HIRA: variants seen among roughly 807,000 people sequenced by gnomAD.
HIRA encodes the protein protein HIRA.
HIRA carries 13 observed loss-of-function variants against 126.6 expected under a neutral mutation model. That is an observed-to-expected ratio of 0.10 (90% confidence interval 0.07 to 0.16). The LOEUF (loss-of-function observed/expected upper bound fraction) is 0.16, where lower values mean the gene tolerates loss of function less well. Among genes scored for constraint, HIRA ranks in the 10% least tolerant of loss-of-function variants. The pLI is 1.00. For synonymous variants in HIRA, 511 were observed against 520.0 expected (o/e 0.98, Z 0.24); for missense variants, 834 against 1,314.4 (o/e 0.63, Z 5.65).
intron 1 of HIRA, among the ~76,000 whole-genome samples, chr22:19,419,317 C>T (rs895477420): frequency 1.3e-5 from 2 of 152,086 alleles, no homozygotes; most frequent in African/African-American, 4.8e-5. Flanking sequence ...CCCGCCCCCA[C>T]GACTTTTCTG....
chr22:19,408,642 G>T, intron 2 of HIRA, 49 bp from the exon 3 acceptor site: 2 of 1,025,168 alleles, frequency 2.0e-6, no homozygotes, highest in South Asian at 2.6e-5. Flanking sequence ...GTAGAAATTT[G>T]ATATTAATAT....
At chr22:19,389,568 C>T (rs2089158749) in intron 9 of HIRA, among the ~76,000 whole-genome samples, 1 of 152,130 alleles carries the variant, frequency 6.6e-6, no homozygotes, top group Admixed American at 6.5e-5. Context: ...GAAGTCTGAA[C>T]GATCTGGAAC....
intron 2 of HIRA, 45 bp from the exon 3 acceptor site, chr22:19,408,638 A>G: frequency 2.8e-6 from 3 of 1,062,048 alleles, no homozygotes; most frequent in Non-Finnish European, 4.4e-6. Flanking sequence ...AGGAGTAGAA[A>G]TTTGATATTA....
chr22:19,387,856 C>T, intron 10 of HIRA, 40 bp from the exon 11 acceptor site: 1 of 1,475,274 alleles, frequency 6.8e-7, no homozygotes, highest in Non-Finnish European at 9.4e-7. Context: ...AGCAAGAGCC[C>T]CAGGCAGACA....
chr22:19,349,200 G>C (rs2088727291), intron 24 of HIRA, among the ~76,000 whole-genome samples: 1 of 151,584 alleles, frequency 6.6e-6, no homozygotes, highest in Non-Finnish European at 1.5e-5. Context: ...CCTCCTCCCG[G>C]TTCAAGCGAT....
chr22:19,421,648 T>A (rs2089447306), intron 1 of HIRA, among the ~76,000 whole-genome samples: 1 of 152,156 alleles, frequency 6.6e-6, no homozygotes, highest in South Asian at 2.1e-4. Flanking sequence ...CTGGAACTCA[T>A]CCTTCTGTTC....
chr22:19,383,436 AAGGGCTCCAGGAGG>A (rs1435587625), intron 13 of HIRA, among the ~76,000 whole-genome samples, 170 bp downstream of exon 13: 3 of 152,186 alleles, frequency 2.0e-5, no homozygotes, highest in Non-Finnish European at 4.4e-5. Flanking sequence ...AGGTGTGCAC[AAGGGCTCCAGGAGG>A]AGTATGGGCT....
rs187411458 is a variant in HIRA, at chr22:19,393,230, G to C, written c.823-1016C>G. Reference sequence around the variant, plus strand: ...TAACCATGAAGCACTGATTTCCAAAGACTTTAGCAACAAAGCTCTGGTTCA... The same window carrying C: ...TAACCATGAAGCACTGATTTCCAAACACTTTAGCAACAAAGCTCTGGTTCA... On this transcript the variant is annotated intron_variant, in intron 8 of 24. Transcript: ENST00000263208. Among the ~76,000 whole-genome samples, 3 of 152,190 alleles carry C rather than the reference G, an allele frequency of 2.0e-5. No individual in the cohort carries two copies. In the East Asian group the frequency reaches 5.8e-4, roughly 29 times the overall value.
intron 5 of HIRA, among the ~76,000 whole-genome samples, chr22:19,402,035 G>A (rs946401939): frequency 1.3e-5 from 2 of 152,074 alleles, no homozygotes; most frequent in Admixed American, 6.5e-5. Context: ...CAAGGCCTTC[G>A]CACTGGCTGT....
At chr22:19,385,467 C>T (rs1170998700) in intron 12 of HIRA, 54 bp downstream of exon 12, 2 of 1,535,460 alleles carry the variant, frequency 1.3e-6, no homozygotes, top group African/African-American at 1.4e-5. Context: ...CTGCCCCTCA[C>T]CCTGTCCCTG....
intron 1 of HIRA, among the ~76,000 whole-genome samples, chr22:19,420,090 T>A (rs2089432188): frequency 6.6e-6 from 1 of 151,508 alleles, no homozygotes; most frequent in South Asian, 2.1e-4. Context: ...CAAACTAAAG[T>A]GGAAAAGTGT....
intron 15 of HIRA, among the ~76,000 whole-genome samples, chr22:19,366,999 A>T (rs1331265494): frequency 6.6e-6 from 1 of 152,102 alleles, no homozygotes; most frequent in Non-Finnish European, 1.5e-5. Flanking sequence ...CTGACCTCAG[A>T]TGAACCACCC....
rs922340832 is a variant in HIRA at position 19,354,107 on chromosome 22, G to A, written c.2573C>T (p.Ser858Phe). 6.2e-7 allele frequency: 1 copy of A among 1,612,952 alleles called. No homozygotes were observed. The highest frequency in any genetic ancestry group is 1.3e-5 in the African/African-American group (1 of 75,036). ...NPSLSTWNLV[S>F]DKQDSLAQCA... Reference sequence around the variant, plus strand: ...CTGAGCCAGTGAGTCCTGCTTGTCAGAAACCAGGTTCCTGGGGAGGCAAAG... The same window carrying A: ...CTGAGCCAGTGAGTCCTGCTTGTCAAAAACCAGGTTCCTGGGGAGGCAAAG... Residue 858 changes from serine (S) to phenylalanine (F), a missense_variant, in exon 22 of 25, where the codon TCT becomes TTT. Ser to Phe is a radical substitution (Grantham distance 155). Coordinates refer to ENST00000263208, the MANE Select transcript of HIRA (RefSeq NM_003325.4).
chr22:19,332,777 GA>G (rs1176350205), intron 24 of HIRA, among the ~76,000 whole-genome samples: 82 of 87,508 alleles, frequency 9.4e-4, no homozygotes, highest in Admixed American at 1.4e-3. Flanking sequence ...CAGGGGAAAG[GA>G]AAAAAAAAAA....
Position 19,359,360 on chromosome 22 carries a change from C to G in HIRA, c.2210G>C (p.Arg737Pro), listed in dbSNP as rs1306228518. 6.2e-7 allele frequency: 1 copy of G among 1,600,472 alleles called. No individual in the cohort carries two copies. Among genetic ancestry groups the G allele is most frequent in the Non-Finnish European group, 8.5e-7 (1 of 1,173,762 alleles). ...CCAGCTGCCCGCAGCAGTGAGGATCCGGCTGGTGAGTACCGTCTCCCACTC... is the reference window on the plus strand; with the variant it reads ...CCAGCTGCCCGCAGCAGTGAGGATCGGGCTGGTGAGTACCGTCTCCCACTC... ...GKEWETVLTS[R>P]ILTAAGSCDV... Residue 737 changes from arginine (R) to proline (P), a missense_variant, in exon 18 of 25, where the codon CGG (arginine) becomes CCG (proline). Arg to Pro is a moderately radical substitution (Grantham distance 103). This residue lies in a region of HIRA where 468 missense variants were observed against 574.2 expected (regional missense o/e 0.82). Coordinates refer to ENST00000263208, the MANE Select transcript of HIRA (RefSeq NM_003325.4).
intron 11 of HIRA, among the ~76,000 whole-genome samples, chr22:19,386,450 G>A (rs1225380198): frequency 6.6e-6 from 1 of 152,256 alleles, no homozygotes; most frequent in Non-Finnish European, 1.5e-5. Context: ...GTGGGATTCT[G>A]CTCAAGAACA....
chr22:19,350,623 C>A (rs2088745802), intron 24 of HIRA, among the ~76,000 whole-genome samples: 2 of 152,164 alleles, frequency 1.3e-5, no homozygotes. Context: ...CTTCCTGGGA[C>A]TGTTACAGAA....
At chr22:19,379,999 G>A (rs183213334) in intron 13 of HIRA, among the ~76,000 whole-genome samples, 146 of 151,606 alleles carry the variant, frequency 9.6e-4, no homozygotes, top group Non-Finnish European at 5.3e-4. Context: ...TAGTAGAGAC[G>A]GGGTTTCACC....
intron 24 of HIRA, among the ~76,000 whole-genome samples, chr22:19,348,818 T>TG (rs1341319421): frequency 5.9e-5 from 9 of 151,264 alleles, no homozygotes; most frequent in Non-Finnish European, 1.5e-5. Flanking sequence ...TTTTTTGAGA[T>TG]GGAGTTTCGC....
Sources: allele counts gnomAD v4.1 joint callset (sites outside exome capture counted in the v4.1 genomes callset), GRCh38; gene constraint gnomAD v4.1.1; regional missense constraint gnomAD v4.1.1; transcripts MANE v1.5; gene names NCBI Gene and HGNC (gene_info 2026-07-23, HGNC 2026-07-21).